Variants in OR6J1 observed in about 807,000 individuals in gnomAD.
OR6J1 encodes the protein olfactory receptor family 6 subfamily J member 1, also known as olfactory receptor 6J1.
For missense variants in OR6J1, 304 were observed against 166.8 expected (o/e 1.82, Z -4.53); for synonymous variants, 109 against 70.0 (o/e 1.56, Z -2.78).
Position 22,637,155 on chromosome 14 carries a change from G to A in OR6J1, c.-27-2317C>T, listed in dbSNP as rs1320938371. Among the ~76,000 whole-genome samples, 15 of 113,216 alleles carry A rather than the reference G, an allele frequency of 1.3e-4. 2 individuals carry two copies. Among genetic ancestry groups the A allele is most frequent in the East Asian group, 8.8e-4 (4 of 4,558 alleles). The allele number at this position is 113,216 out of a possible 152,430, so 74.3% of individuals were successfully genotyped here. A position where few individuals can be genotyped will look rare whatever the true frequency, so the allele number is the denominator to read the frequency against. ...TCTGCCCGGCCGCCCTGTCTGAGAA[G>A]TGAGGAAACCCTCTGCCTGGCAACC... On this transcript the variant is annotated intron_variant, in intron 1 of 1. Transcript: ENST00000540461.
chr14:22,634,271 C>T lies in OR6J1; in HGVS notation c.541G>A (p.Gly181Arg), dbSNP rs1181590228. 4 of 703,198 alleles carry T rather than the reference C, an allele frequency of 5.7e-6. No homozygotes were observed. The highest frequency in any genetic ancestry group is 7.8e-6 in the Non-Finnish European group (3 of 385,008). The allele number at this position is 703,198 out of a possible 1,614,324, so 43.6% of individuals were successfully genotyped here. Reference sequence around the variant, plus strand: ...GCACAGGCCAGGGCCAGCAAGGGTCCACTGTCACAGAAGAAGTGGTTAATG... The same window carrying T: ...GCACAGGCCAGGGCCAGCAAGGGTCTACTGTCACAGAAGAAGTGGTTAATG... ...NIINHFFCDS[G>R]PLLALACADT... Residue 181 changes from glycine to arginine, a missense_variant, in exon 2 of 2, where the codon GGA (glycine) becomes AGA (arginine). Coordinates refer to ENST00000540461, the MANE Select transcript of OR6J1 (RefSeq NM_001348233.2).
At chr14:22,640,794 C>T (rs2037639564) in intron 1 of OR6J1, among the ~76,000 whole-genome samples, 1 of 151,492 alleles carries the variant, frequency 6.6e-6, no homozygotes, top group Non-Finnish European at 1.5e-5. Context: ...GTGTTGGGAT[C>T]ATAGGCATGA....
chr14:22,643,672 G>C (rs1240674823), intron 1 of OR6J1, among the ~76,000 whole-genome samples: 3 of 145,290 alleles, frequency 2.1e-5, no homozygotes, highest in Non-Finnish European at 4.5e-5. Flanking sequence ...AGGAGAAAAG[G>C]CCACAGCCCC....
intron 1 of OR6J1, among the ~76,000 whole-genome samples, chr14:22,641,562 AAG>A (rs1594904237): frequency 5.3e-4 from 56 of 105,330 alleles, no homozygotes; most frequent in East Asian, 2.6e-3. Context: ...AATAAAGAAA[AAG>A]AAAAAAGAAA....
rs1008910492 is a variant in OR6J1 at position 22,631,752 on chromosome 14, A to T, written c.*2016T>A. ...TGTCCATGAAATCTTCACTATCCAC[A>T]TTCTTCTGCCATGGCTTCAGCCGGT... On this transcript the variant is annotated 3_prime_UTR_variant, in exon 2 of 2. Coordinates refer to ENST00000540461, the MANE Select transcript of OR6J1 (RefSeq NM_001348233.2). The T allele has an allele frequency of 6.5e-6, 1 of 153,706 alleles. No individual in the cohort carries two copies. The allele number at this position is 153,706 out of a possible 1,614,324, so 9.5% of individuals were successfully genotyped here. A position where few individuals can be genotyped will look rare whatever the true frequency, so the allele number is the denominator to read the frequency against.
At chr14:22,635,234 A>G (rs758070100) in intron 1 of OR6J1, among the ~76,000 whole-genome samples, 7 of 152,220 alleles carry the variant, frequency 4.6e-5, no homozygotes, top group South Asian at 2.1e-4. Flanking sequence ...AATAATGAAA[A>G]TTTGGCAACA....
chr14:22,633,717 T>A lies in OR6J1; in HGVS notation c.*51A>T. Reference sequence around the variant, plus strand: ...CAGTCAGTCTTTCCACTATAGACTATTCAGAATTCCTTAGCTAGCTCACTC... The same window carrying A: ...CAGTCAGTCTTTCCACTATAGACTAATCAGAATTCCTTAGCTAGCTCACTC... On this transcript the variant is annotated 3_prime_UTR_variant, in exon 2 of 2. Coordinates refer to ENST00000540461, the MANE Select transcript of OR6J1 (RefSeq NM_001348233.2). 6.4e-6 allele frequency: 4 copies of A among 626,494 alleles called. No individual in the cohort carries two copies. The highest frequency in any genetic ancestry group is 1.1e-5 in the Non-Finnish European group (4 of 352,496). The allele number at this position is 626,494 out of a possible 1,614,324, so 38.8% of individuals were successfully genotyped here.
At chr14:22,639,181 G>A (rs2037622049) in intron 1 of OR6J1, among the ~76,000 whole-genome samples, 1 of 115,016 alleles carries the variant, frequency 8.7e-6, no homozygotes, top group Non-Finnish European at 1.7e-5. Flanking sequence ...CACCCCATCT[G>A]GGAAGTGAGG....
chr14:22,636,951 T>C lies in OR6J1; in HGVS notation c.-27-2113A>G, dbSNP rs1476643921. 1.1e-4 allele frequency among the ~76,000 whole-genome samples: 13 copies of C among 119,480 alleles called. No individual in the cohort carries two copies. The South Asian group carries it at 1.4e-3, about 13-fold the overall frequency. The allele number at this position is 119,480 out of a possible 152,430, so 78.4% of individuals were successfully genotyped here. On this transcript the variant is annotated intron_variant, in intron 1 of 1. Coordinates refer to ENST00000540461, the MANE Select transcript of OR6J1 (RefSeq NM_001348233.2). ...GAGGAGCGTCTCTGCCCGGCCGCCA[T>C]CCCATCTAGGAAGCGAGGAGCGCCT...
chr14:22,639,198 T>A, intron 1 of OR6J1, among the ~76,000 whole-genome samples: 1 of 118,174 alleles, frequency 8.5e-6, no homozygotes, highest in Non-Finnish European at 1.7e-5. Flanking sequence ...GAGGAGCGTC[T>A]CCGCCCGGCA....
At chr14:22,643,764 C>CACACACAGAGAGAGAGAGAG (rs1466950724) in intron 1 of OR6J1, among the ~76,000 whole-genome samples, 12 of 37,690 alleles carry the variant, frequency 3.2e-4, no homozygotes, top group Admixed American at 2.4e-3. Context: ...CACACACACA[C>CACACACAGAGAGAGAGAGAG]AGAGAGAGAG....
At chr14:22,637,117 G>A (rs1228757444) in intron 1 of OR6J1, among the ~76,000 whole-genome samples, 1 of 112,860 alleles carries the variant, frequency 8.9e-6, no homozygotes, top group Non-Finnish European at 1.7e-5. Flanking sequence ...CTGTCTGAGA[G>A]GTGAGGAGCG....
chr14:22,643,764 CAGAGAG>C (rs1233027589), intron 1 of OR6J1, among the ~76,000 whole-genome samples: 85 of 37,670 alleles, frequency 2.3e-3, no homozygotes, highest in African/African-American at 6.0e-3. Flanking sequence ...CACACACACA[CAGAGAG>C]AGAGAGAGAG....
chr14:22,642,961 C>G lies in OR6J1; in HGVS notation c.-28+1137G>C, dbSNP rs186673152. 3.0e-3 allele frequency among the ~76,000 whole-genome samples: 455 copies of G among 150,760 alleles called. 3 individuals are homozygous for G. The highest frequency in any genetic ancestry group is 0.011 in the African/African-American group (432 of 41,096). ...AGGACTACAGGTGCACACCATCACA[C>G]CTGGATAATTTTTTTTTTTTTTTGA... On this transcript the variant is annotated intron_variant, in intron 1 of 1. Transcript: ENST00000540461.
In OR6J1 at chr14:22,632,677, G is replaced by A. The variant is rs2037554499; in HGVS notation, c.*1091C>T. The A allele has an allele frequency of 6.6e-6, 1 of 152,268 alleles. No homozygotes were observed. Among genetic ancestry groups the A allele is most frequent in the Non-Finnish European group, 1.5e-5 (1 of 68,068 alleles). 9.4% of individuals were successfully genotyped at this position (152,268 alleles called of 1,614,324 possible). On this transcript the variant is annotated 3_prime_UTR_variant, in exon 2 of 2. Transcript: ENST00000540461. ...TAGTCAAGCTGCTTTTTGGTCACAA[G>A]AATCTAAGACCTTCTCAAGATAGCT...
chr14:22,637,126 C>A (rs867529454), intron 1 of OR6J1, among the ~76,000 whole-genome samples: 1 of 116,256 alleles, frequency 8.6e-6, no homozygotes, highest in Admixed American at 7.5e-5. Flanking sequence ...AGGTGAGGAG[C>A]GTCTCTGCCC....
rs1359742715 is a variant in OR6J1, at chr14:22,639,460, G to A, written c.-27-4622C>T. On this transcript the variant is annotated intron_variant, in intron 1 of 1. Transcript: ENST00000540461. ...TGGGAAGTGAGGAGCCCCTCTGCCC[G>A]GCCACCACCCCGTCTGGGAGGTGTG... is the stretch of plus-strand genomic sequence containing the variant. 7.5e-5 allele frequency among the ~76,000 whole-genome samples: 10 copies of A among 133,282 alleles called. 2 individuals carry two copies. The highest frequency in any genetic ancestry group is 2.6e-4 in the African/African-American group (8 of 30,396). The allele number at this position is 133,282 out of a possible 152,430, so 87.4% of individuals were successfully genotyped here. A position where few individuals can be genotyped will look rare whatever the true frequency, so the allele number is the denominator to read the frequency against.
Position 22,631,891 on chromosome 14 carries a change from T to C in OR6J1, c.*1877A>G, listed in dbSNP as rs1322915088. The C allele has an allele frequency of 6.6e-6, 1 of 152,378 alleles. No individual in the cohort carries two copies. Among genetic ancestry groups the C allele is most frequent in the Non-Finnish European group, 1.5e-5 (1 of 68,154 alleles). The allele number at this position is 152,378 out of a possible 1,614,324, so 9.4% of individuals were successfully genotyped here. A position where few individuals can be genotyped will look rare whatever the true frequency, so the allele number is the denominator to read the frequency against. ...CGGGCCTTTCCCTTTTTTTCTACTA[T>C]GAAGCTTTCCACTCCCCTGCCTGCC... On this transcript the variant is annotated 3_prime_UTR_variant, in exon 2 of 2. Coordinates refer to ENST00000540461, the MANE Select transcript of OR6J1 (RefSeq NM_001348233.2).
rs1210496499 is a variant in OR6J1, at chr14:22,632,102, A to G, written c.*1666T>C. ...CAGAGCATAGGGGTTAATTTAGCAA[A>G]GTGGATGCTGCAGCACTGGCGGCCA... is the stretch of plus-strand genomic sequence containing the variant. On this transcript the variant is annotated 3_prime_UTR_variant, in exon 2 of 2. Transcript: ENST00000540461. The G allele has an allele frequency of 1.3e-5, 2 of 152,252 alleles. No homozygotes were observed. The highest frequency in any genetic ancestry group is 4.8e-5 in the African/African-American group (2 of 41,442). The allele number at this position is 152,252 out of a possible 1,614,324, so 9.4% of individuals were successfully genotyped here. A position where few individuals can be genotyped will look rare whatever the true frequency, so the allele number is the denominator to read the frequency against.
Sources: gnomAD v4.1 joint callset for allele counts (sites outside exome capture counted in the v4.1 genomes callset) on GRCh38, gnomAD v4.1.1 for gene constraint, MANE v1.5 for transcripts, NCBI Gene and HGNC (gene_info 2026-07-23, HGNC 2026-07-21) for gene names.